Variants in MMS22L observed in about 807,000 individuals in gnomAD.
The protein encoded by MMS22L is protein MMS22-like.
In MMS22L, 74 loss-of-function variants were observed where a neutral mutation model predicts 159.1. That is an observed-to-expected ratio of 0.47 (90% confidence interval 0.39 to 0.56). MMS22L has a LOEUF of 0.56. MMS22L is among the 20% of genes least tolerant of loss of function. The pLI, the probability that MMS22L is intolerant of heterozygous loss-of-function variation, is 0.00. For missense variants in MMS22L, 1,351 were observed against 1,422.1 expected (o/e 0.95, Z 0.80); for synonymous variants, 517 against 506.9 (o/e 1.02, Z -0.27).
In MMS22L at chr6:97,151,863, TTTAA is replaced by T; in HGVS notation, c.3386_3389del (p.Val1129GlufsTer12). On this transcript the variant is annotated frameshift_variant and splice_region_variant, in exon 23 of 25. Coordinates refer to ENST00000683635, the MANE Select transcript of MMS22L (RefSeq NM_001350599.2). LOFTEE classifies it high-confidence loss of function. ...ATTGCAGGTTCTCTGTGGCCAGCCT[TTTAA>T]CTAGAAGGAAAAATTACAGCATTAG... 4 of 1,613,340 alleles carry T rather than the reference TTTAA, an allele frequency of 2.5e-6. No homozygotes were observed. The highest frequency in any genetic ancestry group is 3.4e-6 in the Non-Finnish European group (4 of 1,179,418).
At position 97,193,096 on chromosome 6, in the gene MMS22L, T is replaced by C. The variant is rs1416933575; in HGVS notation, c.2040-6406A>G. On this transcript the variant is annotated intron_variant, in intron 14 of 24. Coordinates refer to ENST00000683635, the MANE Select transcript of MMS22L (RefSeq NM_001350599.2). ...TGTAAGTTCTTAATAAAGGTAGTTA[T>C]AAAGTAGTATAACAGCTAATCCCAG... Among the ~76,000 whole-genome samples the C allele has an allele frequency of 3.9e-5, 6 of 152,230 alleles. No homozygotes were observed. In the East Asian group the frequency reaches 1.2e-3, roughly 29 times the overall value.
At chr6:97,180,194 C>T (rs1229467524) in intron 16 of MMS22L, among the ~76,000 whole-genome samples, 3 of 151,986 alleles carry the variant, frequency 2.0e-5, no homozygotes, top group Non-Finnish European at 2.9e-5. Flanking sequence ...CTCTGCCTCC[C>T]GGGTTCACGC....
chr6:97,269,142 AAT>A (rs1278883716), intron 7 of MMS22L, among the ~76,000 whole-genome samples: 1 of 152,160 alleles, frequency 6.6e-6, no homozygotes. Flanking sequence ...TAATAAAGCA[AAT>A]ATAGACAATA....
intron 8 of MMS22L, chr6:97,266,249 T>C (rs1382841641): frequency 2.6e-5 from 4 of 152,204 alleles, no homozygotes; most frequent in African/African-American, 9.6e-5. Context: ...CATCATGTAA[T>C]ACAGTATGCA....
At position 97,221,265 on chromosome 6, in the gene MMS22L, C is replaced by T. The variant is rs114908860; in HGVS notation, c.2039+7629G>A. On this transcript the variant is annotated intron_variant, in intron 14 of 24. Coordinates refer to ENST00000683635, the MANE Select transcript of MMS22L (RefSeq NM_001350599.2). ...TTTCCTCACATTATTTTAAATGAAT[C>T]GCTTTATACTTATTTAAGGAAAACT... is the stretch of plus-strand genomic sequence containing the variant. Among the ~76,000 whole-genome samples, 328 of 152,030 alleles carry T rather than the reference C, an allele frequency of 2.2e-3. 4 individuals carry two copies. The highest frequency in any genetic ancestry group is 7.4e-3 in the African/African-American group (308 of 41,486).
intron 22 of MMS22L, among the ~76,000 whole-genome samples, chr6:97,159,245 CT>C (rs1433286454): frequency 6.6e-6 from 1 of 151,602 alleles, no homozygotes; most frequent in East Asian, 1.9e-4. Context: ...AATCTTGACT[CT>C]TTATCCAATT....
intron 11 of MMS22L, among the ~76,000 whole-genome samples, chr6:97,238,972 A>C (rs1044019179): frequency 8.8e-5 from 13 of 146,962 alleles, no homozygotes; most frequent in African/African-American, 3.3e-4. Context: ...GTTATTATAT[A>C]TAATTTAACA....
intron 11 of MMS22L, chr6:97,245,972 T>C (rs941554367): frequency 4.1e-6 from 1 of 245,198 alleles, no homozygotes; most frequent in African/African-American, 2.3e-5. Context: ...GAAAAATATT[T>C]CCCAAATTCC....
At chr6:97,201,332 G>C (rs1166706147) in intron 14 of MMS22L, among the ~76,000 whole-genome samples, 2 of 152,086 alleles carry the variant, frequency 1.3e-5, no homozygotes, top group Non-Finnish European at 2.9e-5. Flanking sequence ...TGATCTTTCA[G>C]AACATGTGGT....
intron 18 of MMS22L, among the ~76,000 whole-genome samples, chr6:97,177,923 G>A (rs1262830889): frequency 1.3e-5 from 2 of 152,044 alleles, no homozygotes; most frequent in Non-Finnish European, 2.9e-5. Context: ...ATAAATTTCT[G>A]TACAATTAAT....
At chr6:97,152,050 A>G (rs1034749037) in intron 22 of MMS22L, among the ~76,000 whole-genome samples, 183 bp from the exon 23 acceptor site, 1 of 152,182 alleles carries the variant, frequency 6.6e-6, no homozygotes, top group Non-Finnish European at 1.5e-5. Flanking sequence ...CCTATCTTCC[A>G]TTTTAAGAAA....
intron 11 of MMS22L, among the ~76,000 whole-genome samples, chr6:97,244,889 C>T (rs911233822): frequency 2.0e-5 from 3 of 151,924 alleles, no homozygotes; most frequent in East Asian, 1.9e-4. Context: ...TGGGTATGGG[C>T]GGGGGCAGTT....
chr6:97,215,114 ATTTT>A (rs1554266841), intron 14 of MMS22L, among the ~76,000 whole-genome samples: 34 of 87,218 alleles, frequency 3.9e-4, no homozygotes, highest in African/African-American at 1.1e-3. Flanking sequence ...ATATATATAT[ATTTT>A]TTTTTTGCAT....
chr6:97,196,438 G>A (rs1345307612), intron 14 of MMS22L, among the ~76,000 whole-genome samples: 1 of 152,164 alleles, frequency 6.6e-6, no homozygotes, highest in African/African-American at 2.4e-5. Flanking sequence ...ATTACCTTTA[G>A]TCAAGTGCCA....
In MMS22L at chr6:97,169,764, A is replaced by G. The variant is rs150017679; in HGVS notation, c.2840-1524T>C. Among the ~76,000 whole-genome samples, 24 of 152,240 alleles carry G rather than the reference A, an allele frequency of 1.6e-4. No homozygotes were observed. In the East Asian group the frequency reaches 4.6e-3, roughly 29 times the overall value. ...ACTTATATTCTAAAAACATTAATAT[A>G]CCTGTAAGGGGAACTGCTATCATCA... On this transcript the variant is annotated intron_variant, in intron 19 of 24. Transcript: ENST00000683635.
intron 21 of MMS22L, among the ~76,000 whole-genome samples, 181 bp from the exon 22 acceptor site, chr6:97,162,346 A>G (rs1473000383): frequency 6.6e-6 from 1 of 152,034 alleles, no homozygotes; most frequent in Non-Finnish European, 1.5e-5. Flanking sequence ...GCAATGACTG[A>G]CTGTATATCT....
intron 14 of MMS22L, among the ~76,000 whole-genome samples, chr6:97,198,457 G>GT (rs1462321008): frequency 2.0e-5 from 3 of 152,144 alleles, no homozygotes; most frequent in African/African-American, 4.8e-5. Context: ...TACAGAATCT[G>GT]TAAGCATAAT....
intron 19 of MMS22L, among the ~76,000 whole-genome samples, chr6:97,171,519 A>C (rs532959862): frequency 1.4e-4 from 22 of 152,292 alleles, no homozygotes; most frequent in African/African-American, 5.1e-4. Context: ...AGATATGAAG[A>C]ATGAGAAAAA....
Position 97,231,499 on chromosome 6 carries a change from A to C in MMS22L, c.1456T>G (p.Cys486Gly). 6.2e-7 allele frequency: 1 copy of C among 1,613,802 alleles called. No homozygotes were observed. Among genetic ancestry groups the C allele is most frequent in the Non-Finnish European group, 8.5e-7 (1 of 1,179,838 alleles). ...TTTTTAACAACTTTTGCCAGAATAC[A>C]AAGAAAAATAGTATAACTACTGCTG... ...KSSSSYTIFL[C>G]ILAKVVKKAM... The change falls in exon 13 of 25, where the codon TGT becomes GGT. Residue 486 changes from cysteine to glycine, a missense_variant. Transcript: ENST00000683635.
Sources: allele counts gnomAD v4.1 joint callset (sites outside exome capture counted in the v4.1 genomes callset), GRCh38; gene constraint gnomAD v4.1.1; transcripts MANE v1.5; gene names NCBI Gene and HGNC (gene_info 2026-07-23, HGNC 2026-07-21).